Variants in PTPRG observed in about 807,000 individuals in gnomAD.
The protein encoded by PTPRG is receptor-type tyrosine-protein phosphatase gamma.
A neutral mutation model predicts 165.3 loss-of-function variants in PTPRG; 102 were observed. That is an observed-to-expected ratio of 0.62 (90% CI 0.53 to 0.73). The LOEUF is 0.73. PTPRG is among the 30% of genes least tolerant of loss of function. PTPRG has a pLI of 0.00. For missense variants in PTPRG, 1,866 were observed against 1,861.4 expected (o/e 1.00, Z -0.05); for synonymous variants, 675 against 669.5 (o/e 1.01, Z -0.13).
At chr3:61,738,313 C>T (rs6784178) in intron 1 of PTPRG, among the ~76,000 whole-genome samples, 55,459 of 73,728 alleles carry the variant, frequency 0.75, 19,763 homozygotes, top group Middle Eastern at 0.81. Context: ...TATATATATA[C>T]ATATATATAT....
chr3:62,118,712 T>C (rs1484018691), intron 5 of PTPRG, among the ~76,000 whole-genome samples: 1 of 152,224 alleles, frequency 6.6e-6, no homozygotes, highest in Non-Finnish European at 1.5e-5. Context: ...CTGGTCTGTA[T>C]ACAGTGGAAA....
intron 15 of PTPRG, among the ~76,000 whole-genome samples, chr3:62,250,420 G>A (rs1002304264): frequency 7.2e-5 from 11 of 152,180 alleles, no homozygotes; most frequent in Admixed American, 6.5e-4. Context: ...CTAAGGCTGG[G>A]CCCTCTGTGC....
At chr3:62,006,809 A>G (rs1237512167) in intron 4 of PTPRG, among the ~76,000 whole-genome samples, 1 of 152,184 alleles carries the variant, frequency 6.6e-6, no homozygotes, top group Admixed American at 6.5e-5. Flanking sequence ...ATACATTCCA[A>G]TGTAAAGGAC....
chr3:61,648,985 G>A (rs1172273107), intron 1 of PTPRG, among the ~76,000 whole-genome samples: 1 of 152,148 alleles, frequency 6.6e-6, no homozygotes, highest in Non-Finnish European at 1.5e-5. Flanking sequence ...ATATAGTATA[G>A]CAGTGTCAAA....
chr3:61,881,716 A>G (rs1261680266), intron 2 of PTPRG, among the ~76,000 whole-genome samples: 2 of 152,208 alleles, frequency 1.3e-5, no homozygotes, highest in Non-Finnish European at 2.9e-5. Context: ...TCCTATATAT[A>G]GAAATGAAGA....
Position 62,255,394 on chromosome 3 carries a change from G to A in PTPRG, c.2559+179G>A, listed in dbSNP as rs1465524367. 6.6e-6 allele frequency among the ~76,000 whole-genome samples: 1 copy of A among 151,874 alleles called. No homozygotes were observed. Among genetic ancestry groups the A allele is most frequent in the Non-Finnish European group, 1.5e-5 (1 of 68,018 alleles). On this transcript the variant is annotated intron_variant, in intron 16 of 29. Transcript: ENST00000474889. The surrounding 1 kb of genome is among the most constrained non-coding windows in gnomAD (Gnocchi z 4.0). Reference sequence around the variant, plus strand: ...TTTTCCAAATAAAATTTAGGTGAAAGGGGAGTTGATTGTACCTGTCCTGAA... The same window carrying A: ...TTTTCCAAATAAAATTTAGGTGAAAAGGGAGTTGATTGTACCTGTCCTGAA...
intron 1 of PTPRG, among the ~76,000 whole-genome samples, chr3:61,620,710 C>T (rs951650510): frequency 1.3e-5 from 2 of 151,918 alleles, no homozygotes; most frequent in African/African-American, 4.8e-5. Context: ...CTCACTGCAA[C>T]CTCCGCCTCC....
chr3:61,876,961 C>T (rs1039073700), intron 2 of PTPRG, among the ~76,000 whole-genome samples: 5 of 151,766 alleles, frequency 3.3e-5, no homozygotes, highest in South Asian at 2.1e-4. Flanking sequence ...TGAACATTCT[C>T]GTTCTTGTGG....
At chr3:62,093,380 C>T (rs552316103) in intron 5 of PTPRG, among the ~76,000 whole-genome samples, 2 of 152,342 alleles carry the variant, frequency 1.3e-5, no homozygotes, top group South Asian at 4.1e-4. Flanking sequence ...GAATTCTCTT[C>T]TCATTTTATA....
chr3:62,062,232 G>GA (rs35597022), intron 4 of PTPRG, among the ~76,000 whole-genome samples: 100,568 of 151,358 alleles, frequency 0.66, 34,616 homozygotes, highest in South Asian at 0.86. Context: ...CTGGGAGGTG[G>GA]AGGTTGCTGT....
In PTPRG at chr3:61,976,743, C is replaced by T. The variant is rs1259502062; in HGVS notation, c.191-12882C>T. On this transcript the variant is annotated intron_variant, in intron 2 of 29. Coordinates refer to ENST00000474889, the MANE Select transcript of PTPRG (RefSeq NM_002841.4). ...AGGCTGGCATCCAGTGGCACGATCT[C>T]GGCTCACAGCAACCTCTGCCTCCCT... 4.6e-5 allele frequency among the ~76,000 whole-genome samples: 7 copies of T among 151,994 alleles called. No individual in the cohort carries two copies. In the East Asian group the frequency reaches 9.7e-4, roughly 21 times the overall value.
intron 1 of PTPRG, among the ~76,000 whole-genome samples, chr3:61,616,864 G>A (rs1166622395): frequency 6.6e-6 from 1 of 152,220 alleles, no homozygotes; most frequent in Non-Finnish European, 1.5e-5. Flanking sequence ...GCTGCTGCAG[G>A]GGTGCTGCTC....
chr3:61,847,500 A>G (rs1031018115), intron 2 of PTPRG, among the ~76,000 whole-genome samples: 2 of 152,024 alleles, frequency 1.3e-5, no homozygotes, highest in Non-Finnish European at 2.9e-5. Context: ...ACCCCAGGAC[A>G]CTCATGCACT....
intron 4 of PTPRG, among the ~76,000 whole-genome samples, chr3:62,048,500 A>T (rs955057744): frequency 6.6e-6 from 1 of 152,228 alleles, no homozygotes; most frequent in African/African-American, 2.4e-5. Context: ...TGCAATCGCT[A>T]TGTGTACCTT....
At chr3:62,221,792 A>T (rs1215357520) in intron 13 of PTPRG, among the ~76,000 whole-genome samples, 1 of 152,152 alleles carries the variant, frequency 6.6e-6, no homozygotes, top group Non-Finnish European at 1.5e-5. Flanking sequence ...AGTTATTCTG[A>T]TTTTTGAGTG....
At chr3:61,940,390 A>G (rs1304490573) in intron 2 of PTPRG, among the ~76,000 whole-genome samples, 1 of 152,234 alleles carries the variant, frequency 6.6e-6, no homozygotes, top group Non-Finnish European at 1.5e-5. Context: ...GAGGTCATGC[A>G]TGAATGAATG....
chr3:62,223,813 T>C (rs1245200050), intron 13 of PTPRG, among the ~76,000 whole-genome samples: 2 of 152,188 alleles, frequency 1.3e-5, no homozygotes, highest in Non-Finnish European at 2.9e-5. Flanking sequence ...CAGAGCTAAA[T>C]GAATTTTGTC....
intron 4 of PTPRG, among the ~76,000 whole-genome samples, chr3:62,049,220 T>C (rs1700394279): frequency 6.6e-6 from 1 of 152,152 alleles, no homozygotes; most frequent in African/African-American, 2.4e-5. Context: ...CCACTTAAGA[T>C]CTGTGTAATG....
chr3:62,267,439 T>C lies in PTPRG; in HGVS notation c.2686T>C (p.Leu896=), dbSNP rs1467094762. ...YDHSRVKLRP[L]PGKDSKHSDY... ...TCACAGTAGGGTGAAGTTAAGACCT[T>C]TACCAGGAAAAGACTCTAAGCACAG... is the stretch of plus-strand genomic sequence containing the variant. Residue 896 remains leucine (L), a synonymous_variant, in exon 18 of 30, where the codon TTA becomes CTA. Coordinates refer to ENST00000474889, the MANE Select transcript of PTPRG (RefSeq NM_002841.4). 5 of 1,611,650 alleles carry C rather than the reference T, an allele frequency of 3.1e-6. No individual in the cohort carries two copies. Among genetic ancestry groups the C allele is most frequent in the Non-Finnish European group, 4.2e-6 (5 of 1,178,108 alleles).
Sources: allele counts gnomAD v4.1 joint callset (sites outside exome capture counted in the v4.1 genomes callset), GRCh38; gene constraint gnomAD v4.1.1; non-coding constraint Gnocchi (gnomAD v3.1); transcripts MANE v1.5; gene names NCBI Gene and HGNC (gene_info 2026-07-23, HGNC 2026-07-21).